The following HYDIN variants were observed in gnomAD, a reference collection of about 807,000 sequenced individuals.
HYDIN encodes the protein HYDIN axonemal central pair apparatus protein, also known as axonemal central pair apparatus protein HYDIN.
HYDIN carries 132 observed loss-of-function variants against 403.9 expected under a neutral mutation model. That is an observed-to-expected ratio of 0.33 (90% CI 0.28 to 0.38). The LOEUF (loss-of-function observed/expected upper bound fraction) is 0.38, where lower values mean the gene tolerates loss of function less well. Ranked by LOEUF, HYDIN falls within the 10% of genes least tolerant of loss-of-function variation. HYDIN has a pLI of 1.00. For missense variants in HYDIN, 2,827 were observed against 5,009.5 expected, an observed-to-expected ratio of 0.56 and a Z score of 13.15; for synonymous variants, 1,202 against 1,891.7, an observed-to-expected ratio of 0.64 and a Z score of 9.46.
At chr16:71,224,086 G>T (rs1486363318) in intron 1 of HYDIN, among the ~76,000 whole-genome samples, 1 of 152,220 alleles carries the variant, frequency 6.6e-6, no homozygotes, top group Non-Finnish European at 1.5e-5. Flanking sequence ...AATGTAAAAT[G>T]TGTATACCAT....
In HYDIN at chr16:71,230,562, C is replaced by G. The variant is rs2041237006; in HGVS notation, c.-24G>C. 6.5e-7 allele frequency: 1 copy of G among 1,534,446 alleles called. No homozygotes were observed. The highest frequency in any genetic ancestry group is 1.2e-5 in the South Asian group (1 of 83,844). On this transcript the variant is annotated splice_region_variant and 5_prime_UTR_variant, in exon 1 of 86. Coordinates refer to ENST00000393567, the MANE Select transcript of HYDIN (RefSeq NM_001270974.2). The stretch of plus-strand genomic sequence containing the variant: ...CACAATCTCTGCGAGGACCTCTGAC[C>G]TTGGTGCACTCCGGGTCCCACGTTT...
chr16:70,945,821 G>T (rs2077840043), intron 41 of HYDIN, among the ~76,000 whole-genome samples: 1 of 152,152 alleles, frequency 6.6e-6, no homozygotes, highest in Admixed American at 6.6e-5. Context: ...GACTGCCAAG[G>T]ACCTTGAGAA....
intron 41 of HYDIN, among the ~76,000 whole-genome samples, chr16:70,946,292 T>C (rs1200576349): frequency 7.1e-6 from 1 of 141,754 alleles, no homozygotes; most frequent in Non-Finnish European, 1.5e-5. Flanking sequence ...CTTGGTGAAA[T>C]CAGAATAGAG....
intron 1 of HYDIN, among the ~76,000 whole-genome samples, chr16:71,221,141 C>T (rs1038565412): frequency 5.3e-5 from 8 of 151,972 alleles, no homozygotes; most frequent in African/African-American, 1.5e-4. Context: ...TAGTTGACTC[C>T]ACTCCAAAGG....
At chr16:71,165,749 G>A (rs1172758803) in intron 5 of HYDIN, among the ~76,000 whole-genome samples, 1 of 151,904 alleles carries the variant, frequency 6.6e-6, no homozygotes, top group African/African-American at 2.4e-5. Flanking sequence ...GGGGAGGGGG[G>A]CGGTCAGGAA....
chr16:71,053,449 A>G (rs1318120916), intron 18 of HYDIN, among the ~76,000 whole-genome samples: 2 of 152,226 alleles, frequency 1.3e-5, no homozygotes, highest in Admixed American at 6.5e-5. Context: ...AATAAACATA[A>G]TAAGTGGTAA....
At chr16:71,165,852 A>T (rs549286377) in intron 5 of HYDIN, among the ~76,000 whole-genome samples, 150 of 147,330 alleles carry the variant, frequency 1.0e-3, no homozygotes, top group African/African-American at 3.8e-3. Flanking sequence ...TGTGATTTGG[A>T]ACCTGTGGCC....
At chr16:70,842,459 AATCATTG>A (rs1243222001) in intron 75 of HYDIN, among the ~76,000 whole-genome samples, 1 of 151,966 alleles carries the variant, frequency 6.6e-6, no homozygotes, top group Non-Finnish European at 1.5e-5. Flanking sequence ...AATAATTTTC[AATCATTG>A]AAAAATGTCT....
intron 84 of HYDIN, among the ~76,000 whole-genome samples, chr16:70,816,270 A>G (rs1368548898): frequency 1.3e-5 from 2 of 152,234 alleles, no homozygotes; most frequent in Non-Finnish European, 2.9e-5. Flanking sequence ...TTCTCAGATC[A>G]CAAAGTAATT....
intron 40 of HYDIN, among the ~76,000 whole-genome samples, chr16:70,954,299 G>A (rs1434418590): frequency 9.2e-6 from 1 of 108,200 alleles, no homozygotes; most frequent in African/African-American, 3.7e-5. Context: ...AACATAGCGA[G>A]ACCCTAAAAA....
intron 55 of HYDIN, 85 bp downstream of exon 55, chr16:70,894,364 G>T: frequency 6.3e-7 from 1 of 1,587,298 alleles, no homozygotes. Context: ...ATCGGATTCA[G>T]GTTACCTGAA....
At chr16:71,007,506 G>A (rs966206276) in intron 23 of HYDIN, among the ~76,000 whole-genome samples, 1 of 151,864 alleles carries the variant, frequency 6.6e-6, no homozygotes, top group East Asian at 1.9e-4. Context: ...GCAGAAATGG[G>A]GTCTTGGACT....
chr16:70,872,108 T>C lies in HYDIN; in HGVS notation c.11020A>G (p.Thr3674Ala). The C allele has an allele frequency of 6.3e-7, 1 of 1,578,492 alleles. No homozygotes were observed. Among genetic ancestry groups the C allele is most frequent in the Non-Finnish European group, 8.6e-7 (1 of 1,160,764 alleles). The change falls in exon 65 of 86, where the codon ACA (threonine) becomes GCA (alanine). Residue 3674 changes from threonine to alanine, a missense_variant. Coordinates refer to ENST00000393567, the MANE Select transcript of HYDIN (RefSeq NM_001270974.2). ...ATCAAGTTCACTTGGCTGTGATTTG[T>C]GACTGTGAAGCTCGCATTATAGCTG... is the stretch of plus-strand genomic sequence containing the variant. The part of the protein sequence containing the change: ...GHSYNASFTV[T>A]NHSQVNLIRF...
intron 25 of HYDIN, among the ~76,000 whole-genome samples, chr16:70,990,461 T>C (rs942018953): frequency 2.8e-5 from 4 of 143,976 alleles, no homozygotes; most frequent in African/African-American, 2.5e-5. Flanking sequence ...TAAGTGTTGG[T>C]TGCTTTCATA....
Position 71,020,201 on chromosome 16 carries a change from A to C in HYDIN, c.3303T>G (p.Asp1101Glu). 2 of 1,613,748 alleles carry C rather than the reference A, an allele frequency of 1.2e-6. No individual in the cohort carries two copies. The highest frequency in any genetic ancestry group is 8.5e-7 in the Non-Finnish European group (1 of 1,179,916). Reference sequence around the variant, plus strand: ...CAGGAGTTGCCGGCAGCAGGGATTTATCAGTCTCACATATAAAGAAGGGTC... The same window carrying C: ...CAGGAGTTGCCGGCAGCAGGGATTTCTCAGTCTCACATATAAAGAAGGGTC... Reference protein sequence around the residue: ...TSGPFFICETDKSLLPATPEP... With the variant: ...TSGPFFICETEKSLLPATPEP... The change falls in exon 22 of 86, where the codon GAT (aspartate) becomes GAG (glutamate). Residue 1101 changes from aspartate (D) to glutamate (E), a missense_variant. Transcript: ENST00000393567.
At chr16:71,175,212 TACC>T (rs936173356) in intron 5 of HYDIN, among the ~76,000 whole-genome samples, 25 of 149,972 alleles carry the variant, frequency 1.7e-4, no homozygotes, top group African/African-American at 5.2e-4. Context: ...ACAACAATAT[TACC>T]ACCAACTACA....
chr16:70,908,503 G>T (rs145870543), intron 48 of HYDIN, 69 bp from the exon 49 acceptor site: 9 of 1,406,152 alleles, frequency 6.4e-6, no homozygotes, highest in Non-Finnish European at 8.7e-6. Context: ...CAGGAGAGCT[G>T]CCTGGAAGTC....
intron 41 of HYDIN, among the ~76,000 whole-genome samples, chr16:70,947,017 T>C (rs1376957475): frequency 1.3e-5 from 2 of 151,786 alleles, no homozygotes; most frequent in African/African-American, 2.4e-5. Context: ...TTTTCCCAAT[T>C]GAATACCCTT....
intron 83 of HYDIN, among the ~76,000 whole-genome samples, chr16:70,822,393 G>A (rs2036324746): frequency 1.3e-5 from 2 of 151,810 alleles, no homozygotes; most frequent in African/African-American, 4.8e-5. Flanking sequence ...ATGTTGAGTT[G>A]CTTCTTATGG....
Sources: allele counts gnomAD v4.1 joint callset (sites outside exome capture counted in the v4.1 genomes callset), GRCh38; gene constraint gnomAD v4.1.1; transcripts MANE v1.5; gene names NCBI Gene and HGNC (gene_info 2026-07-23, HGNC 2026-07-21).